Variants in CNTN4 observed in about 807,000 individuals in gnomAD.
The protein encoded by CNTN4 is contactin 4, also known as contactin-4.
In CNTN4, 77 loss-of-function variants were observed where a neutral mutation model predicts 122.5. The ratio of observed to expected loss-of-function variants is 0.63; its 90% CI spans 0.52 to 0.76. CNTN4 has a LOEUF of 0.76. Among genes scored for constraint, CNTN4 ranks in the 30% least tolerant of loss-of-function variants. CNTN4 has a pLI of 0.00. For missense variants in CNTN4, 1,256 were observed against 1,259.1 expected, an observed-to-expected ratio of 1.00 and a Z score of 0.04; for synonymous variants, 512 against 447.0, an observed-to-expected ratio of 1.15 and a Z score of -1.83.
intron 4 of CNTN4, among the ~76,000 whole-genome samples, chr3:2,621,230 G>A (rs1157060748): frequency 1.3e-5 from 2 of 152,184 alleles, no homozygotes; most frequent in African/African-American, 4.8e-5. Flanking sequence ...CATGCAGCAA[G>A]GGAACTAGAC....
chr3:2,970,664 T>G (rs1692813391), intron 13 of CNTN4, among the ~76,000 whole-genome samples: 1 of 152,180 alleles, frequency 6.6e-6, no homozygotes, highest in Non-Finnish European at 1.5e-5. Flanking sequence ...CAGGCTGGTC[T>G]CAAACACCTG....
At chr3:2,807,410 G>T (rs1321923247) in intron 6 of CNTN4, among the ~76,000 whole-genome samples, 1 of 151,850 alleles carries the variant, frequency 6.6e-6, no homozygotes, top group African/African-American at 2.4e-5. Context: ...TGAAGTTGCC[G>T]AAGCAACTTA....
At chr3:2,104,230 G>A (rs1041739749) in intron 2 of CNTN4, among the ~76,000 whole-genome samples, 31 of 97,720 alleles carry the variant, frequency 3.2e-4, no homozygotes, top group Admixed American at 5.9e-4. Context: ...TTATGTCTAC[G>A]TGTGTGTGTG....
intron 4 of CNTN4, among the ~76,000 whole-genome samples, chr3:2,617,093 T>C (rs2081782137): frequency 6.6e-6 from 1 of 152,176 alleles, no homozygotes. Flanking sequence ...AAAGACTTCA[T>C]GACGTCAATG....
intron 4 of CNTN4, among the ~76,000 whole-genome samples, chr3:2,721,020 T>A: frequency 6.6e-6 from 1 of 152,168 alleles, no homozygotes; most frequent in East Asian, 1.9e-4. Flanking sequence ...TTGACCAGGC[T>A]GGAGTGCAGT....
chr3:2,527,238 C>T (rs1388083482), intron 3 of CNTN4, among the ~76,000 whole-genome samples: 2 of 152,206 alleles, frequency 1.3e-5, no homozygotes, highest in Admixed American at 6.5e-5. Flanking sequence ...CAGCTGAGGG[C>T]TGTGACCTCA....
chr3:2,488,493 G>T (rs1301032796), intron 3 of CNTN4, among the ~76,000 whole-genome samples: 1 of 152,120 alleles, frequency 6.6e-6, no homozygotes, highest in Non-Finnish European at 1.5e-5. Flanking sequence ...CTCCTCTCCA[G>T]GGTTGGTTCC....
chr3:2,852,769 C>T (rs1334571993), intron 7 of CNTN4, among the ~76,000 whole-genome samples: 2 of 152,152 alleles, frequency 1.3e-5, no homozygotes, highest in Admixed American at 6.5e-5. Context: ...ATAAATAATA[C>T]TTCACACACC....
chr3:2,213,926 A>G (rs1575096080), intron 2 of CNTN4, among the ~76,000 whole-genome samples: 1 of 152,178 alleles, frequency 6.6e-6, no homozygotes, highest in Non-Finnish European at 1.5e-5. Flanking sequence ...TTGGCATGCT[A>G]TAGCCCTTAT....
chr3:2,467,129 A>G (rs916652389), intron 3 of CNTN4, among the ~76,000 whole-genome samples: 8 of 141,810 alleles, frequency 5.6e-5, no homozygotes, highest in African/African-American at 2.2e-4. Context: ...ATGCAAAATT[A>G]TGGGTTTTTT....
intron 10 of CNTN4, among the ~76,000 whole-genome samples, chr3:2,887,798 C>T (rs1302738085): frequency 6.6e-6 from 1 of 152,058 alleles, no homozygotes; most frequent in African/African-American, 2.4e-5. Context: ...AGCATTGATC[C>T]AAACAATATA....
chr3:2,626,218 G>A (rs955142712), intron 4 of CNTN4, among the ~76,000 whole-genome samples: 2 of 152,176 alleles, frequency 1.3e-5, no homozygotes, highest in South Asian at 2.1e-4. Context: ...CTTTATGATT[G>A]TACTTTGTGT....
chr3:2,629,992 C>G (rs939615590), intron 4 of CNTN4, among the ~76,000 whole-genome samples: 1 of 152,166 alleles, frequency 6.6e-6, no homozygotes, highest in African/African-American at 2.4e-5. Flanking sequence ...AAAGTAGGAC[C>G]CTGAGCCGAA....
intron 10 of CNTN4, among the ~76,000 whole-genome samples, chr3:2,890,553 GC>G (rs1404366475): frequency 6.6e-6 from 1 of 152,168 alleles, no homozygotes; most frequent in East Asian, 1.9e-4. Context: ...CCAGAAGTGT[GC>G]TAACTCCTAT....
At chr3:2,529,915 T>C (rs1250777399) in intron 3 of CNTN4, among the ~76,000 whole-genome samples, 6 of 152,198 alleles carry the variant, frequency 3.9e-5, no homozygotes, top group Non-Finnish European at 7.4e-5. Context: ...GTTAGGCTTC[T>C]ATTTTCTTGG....
At chr3:2,198,154 C>A (rs1401816045) in intron 2 of CNTN4, among the ~76,000 whole-genome samples, 1 of 152,076 alleles carries the variant, frequency 6.6e-6, no homozygotes, top group African/African-American at 2.4e-5. Context: ...AACCATAAAT[C>A]TGTAATACTG....
At chr3:2,544,109 G>A (rs543615470) in intron 3 of CNTN4, among the ~76,000 whole-genome samples, 48 of 152,226 alleles carry the variant, frequency 3.2e-4, no homozygotes, top group African/African-American at 1.1e-3. Flanking sequence ...TCAAGAACCT[G>A]ATACTACCTG....
chr3:2,749,709 C>T (rs2089994556), intron 6 of CNTN4, among the ~76,000 whole-genome samples: 1 of 152,088 alleles, frequency 6.6e-6, no homozygotes, highest in African/African-American at 2.4e-5. Flanking sequence ...TACCCAAACC[C>T]ACCCTTTCTA....
chr3:2,833,777 CATATGACCTGTACTCCTAGT>C (rs2093154944), intron 7 of CNTN4, among the ~76,000 whole-genome samples: 1 of 152,152 alleles, frequency 6.6e-6, no homozygotes, highest in South Asian at 2.1e-4. Flanking sequence ...TTGGGTTCAG[CATATGACCTGTACTCCTAGT>C]AGCTCATATA....
Sources: gnomAD v4.1 joint callset for allele counts (sites outside exome capture counted in the v4.1 genomes callset) on GRCh38, gnomAD v4.1.1 for gene constraint, MANE v1.5 for transcripts, NCBI Gene and HGNC (gene_info 2026-07-23, HGNC 2026-07-21) for gene names.